TCERG1L: variants seen among roughly 807,000 people sequenced by gnomAD.
The protein encoded by TCERG1L is transcription elongation regulator 1-like protein.
Under a neutral mutation model 56.3 loss-of-function variants are expected in TCERG1L, and 37 were observed. The ratio of observed to expected loss-of-function variants is 0.66; its 90% CI spans 0.51 to 0.87. The LOEUF is 0.87. Among genes scored for constraint, TCERG1L ranks in the 40% least tolerant of loss-of-function variants. The pLI, the probability that TCERG1L is intolerant of heterozygous loss-of-function variation, is 0.00. For synonymous variants in TCERG1L, 324 were observed against 326.3 expected (o/e 0.99, Z 0.08); for missense variants, 799 against 774.2 (o/e 1.03, Z -0.38).
Position 131,260,148 on chromosome 10 carries a change from C to T in TCERG1L, c.856+111G>A. On this transcript the variant is annotated intron_variant, in intron 4 of 11. Coordinates refer to ENST00000368642, the MANE Select transcript of TCERG1L (RefSeq NM_174937.4). This position sits in a 1 kb window ranked among gnomAD's most constrained non-coding sequence, Gnocchi z 5.8. ...AGCCGAATGTTTCCCTCAACCGGAG[C>T]CGGGCTTCAGGTCCCACAGCGCCTG... 1.6e-6 allele frequency: 2 copies of T among 1,236,878 alleles called. No homozygotes were observed. Among genetic ancestry groups the T allele is most frequent in the Non-Finnish European group, 1.0e-6 (1 of 990,518 alleles). The allele number at this position is 1,236,878 out of a possible 1,614,324, so 76.6% of individuals were successfully genotyped here.
intron 4 of TCERG1L, among the ~76,000 whole-genome samples, chr10:131,227,989 C>T (rs1482210384): frequency 6.6e-6 from 1 of 151,856 alleles, no homozygotes; most frequent in African/African-American, 2.4e-5. Flanking sequence ...CTCCTCACCC[C>T]CAGCACCTGA....
At chr10:131,111,351 T>C (rs756182939) in intron 9 of TCERG1L, among the ~76,000 whole-genome samples, 1 of 142,408 alleles carries the variant, frequency 7.0e-6, no homozygotes, top group Non-Finnish European at 1.6e-5. Context: ...GAAAGCTGGG[T>C]CATACAGGGC....
At chr10:131,210,263 G>A (rs1327842956) in intron 4 of TCERG1L, among the ~76,000 whole-genome samples, 2 of 152,146 alleles carry the variant, frequency 1.3e-5, no homozygotes, top group Non-Finnish European at 1.5e-5. Context: ...CCCTGAGGTC[G>A]CCCAGCCTTG....
At chr10:131,289,513 G>GTACATGTT (rs1846586041) in intron 3 of TCERG1L, among the ~76,000 whole-genome samples, 1 of 145,816 alleles carries the variant, frequency 6.9e-6, no homozygotes, top group African/African-American at 2.5e-5. Context: ...GAGCAGGTGT[G>GTACATGTT]CACTGCCTCC....
At chr10:131,217,733 T>C (rs768487880) in intron 4 of TCERG1L, among the ~76,000 whole-genome samples, 6,267 of 114,266 alleles carry the variant, frequency 0.055, 140 homozygotes, top group African/African-American at 0.085. Flanking sequence ...TTTTTTTTTT[T>C]TTTTTTGAGA....
intron 4 of TCERG1L, among the ~76,000 whole-genome samples, chr10:131,259,606 C>A (rs963602125): frequency 2.0e-5 from 3 of 152,224 alleles, no homozygotes; most frequent in African/African-American, 7.2e-5. Flanking sequence ...CTCCCATCTA[C>A]CCTGAGTGCC....
At chr10:131,291,401 C>CCTTT (rs1846622466) in intron 3 of TCERG1L, among the ~76,000 whole-genome samples, 1 of 36,566 alleles carries the variant, frequency 2.7e-5, no homozygotes, top group Non-Finnish European at 5.1e-5. Context: ...AACAGCATTT[C>CCTTT]TTTTTTTTTT....
chr10:131,233,710 T>A (rs1226801175), intron 4 of TCERG1L, among the ~76,000 whole-genome samples: 1 of 152,218 alleles, frequency 6.6e-6, no homozygotes, highest in African/African-American at 2.4e-5. Flanking sequence ...TTAATCTCCA[T>A]TAAACGTTTA....
At chr10:131,253,795 G>A (rs118166606) in intron 4 of TCERG1L, among the ~76,000 whole-genome samples, 2,841 of 152,274 alleles carry the variant, frequency 0.019, 49 homozygotes, top group Non-Finnish European at 0.028. Flanking sequence ...TCAGCAAAGA[G>A]TCAACGAGAG....
intron 7 of TCERG1L, among the ~76,000 whole-genome samples, chr10:131,144,037 C>T (rs145403190): frequency 1.2e-3 from 181 of 152,130 alleles, no homozygotes; most frequent in African/African-American, 3.5e-3. Flanking sequence ...ACAACTTCCA[C>T]GTCTCCTATC....
intron 3 of TCERG1L, among the ~76,000 whole-genome samples, chr10:131,274,898 C>T (rs1056465479): frequency 6.6e-5 from 10 of 152,218 alleles, no homozygotes; most frequent in African/African-American, 1.9e-4. Flanking sequence ...TTTGGATTGT[C>T]ACATCAGGTG....
chr10:131,224,518 T>C (rs144367714), intron 4 of TCERG1L, among the ~76,000 whole-genome samples: 47 of 152,302 alleles, frequency 3.1e-4, no homozygotes, highest in Non-Finnish European at 5.0e-4. Context: ...CCTTGGTGGG[T>C]ATCCCAGTGT....
Position 131,311,716 on chromosome 10 carries a change from G to T in TCERG1L, c.-81C>A. 1 of 672,976 alleles carries T rather than the reference G, an allele frequency of 1.5e-6. No homozygotes were observed. The highest frequency in any genetic ancestry group is 1.9e-6 in the Non-Finnish European group (1 of 526,502). The allele number at this position is 672,976 out of a possible 1,614,324, so 41.7% of individuals were successfully genotyped here. On this transcript the variant is annotated 5_prime_UTR_variant, in exon 1 of 12. Transcript: ENST00000368642. The surrounding 1 kb of genome is among the most constrained non-coding windows in gnomAD (Gnocchi z 4.0). ...GCCGGCGGCGGCGCGGCTCCGGAGC[G>T]AACTCACTTGGCTCCGCGGCGCGGC...
chr10:131,254,428 C>T (rs1846147777), intron 4 of TCERG1L, among the ~76,000 whole-genome samples: 1 of 151,682 alleles, frequency 6.6e-6, no homozygotes, highest in Non-Finnish European at 1.5e-5. Context: ...AAGGGATCTT[C>T]CAGCCGCAGC....
intron 4 of TCERG1L, among the ~76,000 whole-genome samples, chr10:131,226,891 A>T (rs1285478396): frequency 1.3e-5 from 2 of 152,196 alleles, no homozygotes; most frequent in African/African-American, 4.8e-5. Flanking sequence ...ACCAAAAAAC[A>T]CAGAAGCAGA....
chr10:131,311,321 CGCGGCG>C lies in TCERG1L; in HGVS notation c.309_314del (p.Ala104_Ala105del), dbSNP rs576396565. 766 of 1,187,148 alleles carry C rather than the reference CGCGGCG, an allele frequency of 6.5e-4. 2 individuals are homozygous for C. Among genetic ancestry groups the C allele is most frequent in the Non-Finnish European group, 7.6e-4 (723 of 956,720 alleles). The allele number at this position is 1,187,148 out of a possible 1,614,324, so 73.5% of individuals were successfully genotyped here. On this transcript the variant is annotated inframe_deletion, in exon 1 of 12. Coordinates refer to ENST00000368642, the MANE Select transcript of TCERG1L (RefSeq NM_174937.4). The surrounding 1 kb of genome is among the most constrained non-coding windows in gnomAD (Gnocchi z 4.0). ...GCCCGTGGAGCGCGGGGAAGGGGTG[CGCGGCG>C]GCGGCGGCGGCGGAGTCTGGCGCAG...
intron 3 of TCERG1L, among the ~76,000 whole-genome samples, chr10:131,276,573 C>G (rs77273607): frequency 0.089 from 13,541 of 152,236 alleles, 748 homozygotes; most frequent in African/African-American, 0.15. Flanking sequence ...GCCCATGTCT[C>G]TCTCTTTGGA....
At chr10:131,104,069 A>C (rs1170224783) in intron 10 of TCERG1L, among the ~76,000 whole-genome samples, 196 bp downstream of exon 10, 1 of 152,242 alleles carries the variant, frequency 6.6e-6, no homozygotes, top group East Asian at 1.9e-4. Context: ...TCATAACCAA[A>C]TACTGAGGTA....
intron 4 of TCERG1L, among the ~76,000 whole-genome samples, chr10:131,188,341 G>A (rs1264258743): frequency 6.6e-6 from 1 of 152,144 alleles, no homozygotes; most frequent in Non-Finnish European, 1.5e-5. Flanking sequence ...CAAACACCTA[G>A]AAAACGGGCT....
Sources: gnomAD v4.1 joint callset for allele counts (sites outside exome capture counted in the v4.1 genomes callset) on GRCh38, gnomAD v4.1.1 for gene constraint, Gnocchi (gnomAD v3.1) non-coding constraint, MANE v1.5 for transcripts, NCBI Gene and HGNC (gene_info 2026-07-23, HGNC 2026-07-21) for gene names.